Variants in GPC5 observed in about 807,000 individuals in gnomAD.
GPC5 encodes the protein glypican-5.
GPC5 carries 47 observed loss-of-function variants against 53.9 expected under a neutral mutation model. The observed-to-expected ratio is 0.87, with a 90% CI of 0.69 to 1.11. The LOEUF (loss-of-function observed/expected upper bound fraction) is 1.11, where lower values mean the gene tolerates loss of function less well. Among genes scored for constraint, GPC5 ranks in the 50% most tolerant of loss-of-function variants. The pLI is 0.00. For missense variants in GPC5, 748 were observed against 713.1 expected, an observed-to-expected ratio of 1.05 and a Z score of -0.56; for synonymous variants, 286 against 263.3, an observed-to-expected ratio of 1.09 and a Z score of -0.84.
At chr13:92,796,881 T>C (rs182748433) in intron 7 of GPC5, among the ~76,000 whole-genome samples, 1 of 152,080 alleles carries the variant, frequency 6.6e-6, no homozygotes, top group Non-Finnish European at 1.5e-5. Context: ...GAAAAATCAA[T>C]GATATATAAA....
At chr13:92,024,597 G>A (rs1322026488) in intron 6 of GPC5, among the ~76,000 whole-genome samples, 1 of 152,024 alleles carries the variant, frequency 6.6e-6, no homozygotes, top group Non-Finnish European at 1.5e-5. Flanking sequence ...CTCTCTCTCT[G>A]TTTTTAGAGT....
At chr13:91,679,075 G>A (rs1793896414) in intron 2 of GPC5, among the ~76,000 whole-genome samples, 1 of 152,198 alleles carries the variant, frequency 6.6e-6, no homozygotes, top group South Asian at 2.1e-4. Context: ...AATGGACTGA[G>A]GAACCAGTGG....
At chr13:92,311,830 T>G (rs1431053974) in intron 7 of GPC5, among the ~76,000 whole-genome samples, 1 of 152,168 alleles carries the variant, frequency 6.6e-6, no homozygotes, top group Non-Finnish European at 1.5e-5. Flanking sequence ...ACCATATCAC[T>G]AGCAAATTGT....
chr13:92,124,537 T>C (rs1204300391), intron 6 of GPC5, among the ~76,000 whole-genome samples: 4 of 152,198 alleles, frequency 2.6e-5, no homozygotes, highest in Non-Finnish European at 5.9e-5. Flanking sequence ...AGCAACACTT[T>C]TGACCATTGA....
chr13:92,153,585 T>C (rs540497407), intron 7 of GPC5, among the ~76,000 whole-genome samples: 12 of 152,358 alleles, frequency 7.9e-5, no homozygotes, highest in Admixed American at 2.6e-4. Context: ...ATCTGGAAAG[T>C]ATCTCTTGAT....
Position 92,099,063 on chromosome 13 carries a change from C to T in GPC5, c.1402-45767C>T, listed in dbSNP as rs139259448. On this transcript the variant is annotated intron_variant, in intron 6 of 7. Transcript: ENST00000377067. The stretch of plus-strand genomic sequence containing the variant: ...CTTCCCTTCTCTCTGTTAGACCCTG[C>T]GTCTAATTGATTATTGAGTGTTAAC... Among the ~76,000 whole-genome samples, 156 of 151,858 alleles carry T rather than the reference C, an allele frequency of 1.0e-3. 2 individuals are homozygous for T. The highest frequency in any genetic ancestry group is 3.3e-3 in the African/African-American group (137 of 41,414).
chr13:92,396,178 CTGTT>C (rs1169412199), intron 7 of GPC5, among the ~76,000 whole-genome samples: 1 of 152,056 alleles, frequency 6.6e-6, no homozygotes, highest in Non-Finnish European at 1.5e-5. Flanking sequence ...ATTAACTTAT[CTGTT>C]TGCATTTTTG....
intron 7 of GPC5, among the ~76,000 whole-genome samples, chr13:92,451,645 G>T (rs1169820924): frequency 1.3e-5 from 2 of 152,180 alleles, no homozygotes; most frequent in African/African-American, 2.4e-5. Flanking sequence ...ATTAGAAAAT[G>T]TGTAATTATA....
intron 7 of GPC5, among the ~76,000 whole-genome samples, chr13:92,290,120 G>A (rs1037129929): frequency 1.3e-5 from 2 of 152,060 alleles, no homozygotes; most frequent in African/African-American, 4.8e-5. Flanking sequence ...AATAAAAACT[G>A]TTATACAATT....
Position 92,757,987 on chromosome 13 carries a change from T to C in GPC5, c.1562-108295T>C, listed in dbSNP as rs1285063322. ...CCCAGCCATGCCATTCCTGGGTATA[T>C]ACCCAAAGGACTATAAATCATGCTG... On this transcript the variant is annotated intron_variant, in intron 7 of 7. Coordinates refer to ENST00000377067, the MANE Select transcript of GPC5 (RefSeq NM_004466.6). 8.6e-5 allele frequency among the ~76,000 whole-genome samples: 13 copies of C among 151,360 alleles called. No individual in the cohort carries two copies. In the East Asian group the frequency reaches 1.6e-3, roughly 18 times the overall value.
chr13:91,845,023 G>A (rs1022792265), intron 5 of GPC5, among the ~76,000 whole-genome samples: 1 of 152,120 alleles, frequency 6.6e-6, no homozygotes, highest in African/African-American at 2.4e-5. Flanking sequence ...AAAAACACGG[G>A]ACTTATTCAT....
In GPC5 at chr13:92,818,009, A is replaced by ATTTT. The variant is rs201769060; in HGVS notation, c.1562-48258_1562-48255dup. On this transcript the variant is annotated intron_variant, in intron 7 of 7. Coordinates refer to ENST00000377067, the MANE Select transcript of GPC5 (RefSeq NM_004466.6). ...TGGATGGACATCTTGCCTAAATTGC[A>ATTTT]TTTTTTTTTTTTTTTTTTCTTGAGA... Among the ~76,000 whole-genome samples the ATTTT allele has an allele frequency of 1.6e-4, 21 of 135,474 alleles. 1 individual carries two copies. Among genetic ancestry groups the ATTTT allele is most frequent in the African/African-American group, 2.5e-4 (9 of 36,546 alleles). 88.9% of individuals were successfully genotyped at this position (135,474 alleles called of 152,430 possible).
chr13:92,141,406 AG>A (rs1230877184), intron 6 of GPC5, among the ~76,000 whole-genome samples: 1 of 152,134 alleles, frequency 6.6e-6, no homozygotes, highest in East Asian at 1.9e-4. Flanking sequence ...ATATAGTGAG[AG>A]GGGTTATTAA....
chr13:91,637,142 G>T (rs2034304537), intron 2 of GPC5, among the ~76,000 whole-genome samples: 1 of 152,150 alleles, frequency 6.6e-6, no homozygotes, highest in African/African-American at 2.4e-5. Context: ...GTCTGTACAG[G>T]CAGGTTGAAG....
chr13:92,630,970 C>G (rs1885216445), intron 7 of GPC5, among the ~76,000 whole-genome samples: 1 of 151,936 alleles, frequency 6.6e-6, no homozygotes, highest in African/African-American at 2.4e-5. Context: ...GCTACCATTC[C>G]AGATAAGTAA....
chr13:92,633,033 G>C (rs929323925), intron 7 of GPC5, among the ~76,000 whole-genome samples: 1 of 152,112 alleles, frequency 6.6e-6, no homozygotes, highest in Non-Finnish European at 1.5e-5. Flanking sequence ...TGGGATTACA[G>C]GCATGCACCA....
At chr13:91,873,510 A>G (rs1283868192) in intron 5 of GPC5, among the ~76,000 whole-genome samples, 1 of 152,106 alleles carries the variant, frequency 6.6e-6, no homozygotes, top group East Asian at 1.9e-4. Context: ...AAGTCTCACA[A>G]GATCCAGTGG....
At chr13:91,510,983 G>A (rs998671450) in intron 2 of GPC5, among the ~76,000 whole-genome samples, 2 of 151,230 alleles carry the variant, frequency 1.3e-5, no homozygotes, top group Admixed American at 1.3e-4. Flanking sequence ...ATACTGTACT[G>A]CTTTTACACA....
At chr13:92,263,897 TTGC>T (rs1177687253) in intron 7 of GPC5, among the ~76,000 whole-genome samples, 1 of 152,140 alleles carries the variant, frequency 6.6e-6, no homozygotes, top group African/African-American at 2.4e-5. Flanking sequence ...GTATTAGGAA[TTGC>T]TGCGATAATT....
Sources: allele counts gnomAD v4.1 joint callset (sites outside exome capture counted in the v4.1 genomes callset), GRCh38; gene constraint gnomAD v4.1.1; transcripts MANE v1.5; gene names NCBI Gene and HGNC (gene_info 2026-07-23, HGNC 2026-07-21).